ADGRL4: variants seen among roughly 807,000 people sequenced by gnomAD.
The protein encoded by ADGRL4 is adhesion G protein-coupled receptor L4.
ADGRL4 carries 90 observed loss-of-function variants against 74.8 expected under a neutral mutation model. The ratio of observed to expected loss-of-function variants is 1.20; its 90% CI spans 1.02 to 1.43. The LOEUF (loss-of-function observed/expected upper bound fraction) is 1.43. Ranked by LOEUF, ADGRL4 falls within the 40% of genes most tolerant of loss-of-function variation. The probability of loss-of-function intolerance (pLI) is 0.00; values close to 1 mark genes in which losing one functional copy is unlikely to be tolerated. For missense variants in ADGRL4, 881 were observed against 814.3 expected (o/e 1.08, Z -1.00); for synonymous variants, 311 against 279.2 (o/e 1.11, Z -1.14).
At chr1:78,992,376 AAAACAGC>A (rs1361761164) in intron 2 of ADGRL4, among the ~76,000 whole-genome samples, 2 of 152,064 alleles carry the variant, frequency 1.3e-5, no homozygotes, top group African/African-American at 4.8e-5. Flanking sequence ...GTTAATATGG[AAAACAGC>A]ATTACCTTGC....
In ADGRL4 at chr1:78,937,826, A is replaced by G. The variant is rs567006769; in HGVS notation, c.741T>C (p.Asp247=). 1.2e-6 allele frequency: 2 copies of G among 1,609,792 alleles called. No individual in the cohort carries two copies. Among genetic ancestry groups the G allele is most frequent in the African/African-American group, 2.7e-5 (2 of 74,786 alleles). Residue 247 remains aspartate, a synonymous_variant, in exon 6 of 15, where the codon GAT becomes GAC. Transcript: ENST00000370742. ...TCTTACCTATATCCGTTGAATTTGTATCAAACTCTGTGGTCTTTTGGAAGC... is the reference window on the plus strand; with the variant it reads ...TCTTACCTATATCCGTTGAATTTGTGTCAAACTCTGTGGTCTTTTGGAAGC... ...SQSFQKTTEF[D]TNSTDIALKV...
intron 2 of ADGRL4, among the ~76,000 whole-genome samples, chr1:78,956,092 G>T (rs1377657528): frequency 6.6e-6 from 1 of 151,984 alleles, no homozygotes; most frequent in African/African-American, 2.4e-5. Context: ...TTATAACCTT[G>T]ACCTCTATAT....
chr1:78,976,219 C>G (rs183188161), intron 2 of ADGRL4, among the ~76,000 whole-genome samples: 1 of 151,956 alleles, frequency 6.6e-6, no homozygotes. Context: ...CTTGTAGATT[C>G]AGCAAAGTAC....
intron 3 of ADGRL4, among the ~76,000 whole-genome samples, chr1:78,944,314 A>G (rs1266451993): frequency 1.3e-5 from 2 of 152,206 alleles, no homozygotes; most frequent in Non-Finnish European, 2.9e-5. Flanking sequence ...ACTAACTGGA[A>G]CATTTCCACT....
chr1:78,899,680 A>G (rs191985668), intron 12 of ADGRL4, among the ~76,000 whole-genome samples: 1 of 152,274 alleles, frequency 6.6e-6, no homozygotes, highest in East Asian at 1.9e-4. Flanking sequence ...TTTAAGCATC[A>G]GAATTTTAAA....
Position 79,005,141 on chromosome 1 carries a change from T to G in ADGRL4, c.101A>C (p.Glu34Ala). The G allele has an allele frequency of 6.2e-7, 1 of 1,613,718 alleles. No individual in the cohort carries two copies. The highest frequency in any genetic ancestry group is 8.5e-7 in the Non-Finnish European group (1 of 1,179,784). Residue 34 changes from glutamate to alanine, a missense_variant, in exon 2 of 15, where the codon GAA becomes GCA. Transcript: ENST00000370742. ...KTPCLPNAKC[E>A]IRNGIEACYC... ...GCAGGCTTCAATTCCATTGCGTATT[T>G]CACATTTTGCATTTGGGAGACAAGG...
At chr1:78,934,949 G>C (rs1432302083) in intron 7 of ADGRL4, among the ~76,000 whole-genome samples, 1 of 152,192 alleles carries the variant, frequency 6.6e-6, no homozygotes, top group African/African-American at 2.4e-5. Flanking sequence ...CTTTTACACT[G>C]TTAGTGGGAA....
At chr1:79,000,189 C>T (rs947450944) in intron 2 of ADGRL4, among the ~76,000 whole-genome samples, 4 of 152,032 alleles carry the variant, frequency 2.6e-5, no homozygotes, top group Non-Finnish European at 4.4e-5. Flanking sequence ...ATAAATGAGG[C>T]TTCTACTTGA....
At chr1:78,925,111 A>C (rs879492968) in intron 8 of ADGRL4, among the ~76,000 whole-genome samples, 2 of 152,030 alleles carry the variant, frequency 1.3e-5, no homozygotes, top group Non-Finnish European at 2.9e-5. Context: ...GATGGAGCAT[A>C]ATTTCTTGGG....
intron 12 of ADGRL4, among the ~76,000 whole-genome samples, chr1:78,895,038 T>C (rs1490389185): frequency 1.3e-5 from 2 of 151,944 alleles, no homozygotes; most frequent in African/African-American, 4.8e-5. Flanking sequence ...ATCCAAATCT[T>C]GAAAGTACAT....
At chr1:78,948,602 T>C (rs573035139) in intron 2 of ADGRL4, among the ~76,000 whole-genome samples, 3 of 152,202 alleles carry the variant, frequency 2.0e-5, no homozygotes, top group African/African-American at 4.8e-5. Context: ...GAAGAGTTAA[T>C]ACTTTATTAA....
At chr1:79,004,168 T>C (rs1409391338) in intron 2 of ADGRL4, among the ~76,000 whole-genome samples, 4 of 152,164 alleles carry the variant, frequency 2.6e-5, no homozygotes, top group Non-Finnish European at 5.9e-5. Context: ...AAAAAGTTCA[T>C]GTTATCCTGA....
intron 12 of ADGRL4, among the ~76,000 whole-genome samples, chr1:78,907,251 C>A (rs1648663029): frequency 6.6e-6 from 1 of 151,930 alleles, no homozygotes; most frequent in African/African-American, 2.4e-5. Flanking sequence ...ATAATGAATG[C>A]TGCATATAAT....
At chr1:78,992,423 G>A (rs1650624576) in intron 2 of ADGRL4, among the ~76,000 whole-genome samples, 1 of 152,008 alleles carries the variant, frequency 6.6e-6, no homozygotes, top group Admixed American at 6.6e-5. Context: ...GACTTTTCAG[G>A]AATTGAGCTT....
chr1:78,970,108 T>C (rs1241792266), intron 2 of ADGRL4, among the ~76,000 whole-genome samples: 2 of 152,142 alleles, frequency 1.3e-5, no homozygotes, highest in African/African-American at 2.4e-5. Flanking sequence ...CCTTTTCTCT[T>C]CCTTCTTGGA....
chr1:78,950,902 G>A (rs939118553), intron 2 of ADGRL4, among the ~76,000 whole-genome samples: 2 of 152,094 alleles, frequency 1.3e-5, no homozygotes, highest in Non-Finnish European at 2.9e-5. Flanking sequence ...AAGATGTTGA[G>A]TCACTTTTGG....
At position 78,890,788 on chromosome 1, in the gene ADGRL4, A is replaced by G. The variant is rs1318867001; in HGVS notation, c.*366T>C. ...TGGTAGGGGACTAGTTTCAAAGGCA[A>G]CACGAGTCACAGAAATATCAAGCCA... On this transcript the variant is annotated 3_prime_UTR_variant, in exon 15 of 15. Coordinates refer to ENST00000370742, the MANE Select transcript of ADGRL4 (RefSeq NM_022159.4). 2.5e-5 allele frequency: 5 copies of G among 197,320 alleles called. No individual in the cohort carries two copies. In the Admixed American group the frequency reaches 2.9e-4, roughly 11 times the overall value. The allele number at this position is 197,320 out of a possible 1,614,324, so 12.2% of individuals were successfully genotyped here.
intron 2 of ADGRL4, among the ~76,000 whole-genome samples, chr1:78,997,995 A>C (rs1650753034): frequency 6.6e-6 from 1 of 152,140 alleles, no homozygotes; most frequent in African/African-American, 2.4e-5. Context: ...TATTTTCTTG[A>C]CTTTATCTGG....
chr1:78,892,290 A>C (rs532182816), intron 13 of ADGRL4, among the ~76,000 whole-genome samples: 3 of 152,286 alleles, frequency 2.0e-5, no homozygotes, highest in African/African-American at 7.2e-5. Flanking sequence ...TAAAAATTAA[A>C]GAAAAAATAC....
Sources: allele counts gnomAD v4.1 joint callset (sites outside exome capture counted in the v4.1 genomes callset), GRCh38; gene constraint gnomAD v4.1.1; transcripts MANE v1.5; gene names NCBI Gene and HGNC (gene_info 2026-07-23, HGNC 2026-07-21).